The following PMM2 variants were observed in gnomAD, a reference collection of about 807,000 sequenced individuals.
The protein encoded by PMM2 is phosphomannomutase 2.
Under a neutral mutation model 33.2 loss-of-function variants are expected in PMM2, and 35 were observed. That is an observed-to-expected ratio of 1.06 (90% CI 0.81 to 1.40). PMM2 has a LOEUF of 1.40. PMM2 is among the 40% of genes most tolerant of loss of function. The pLI is 0.00. For missense variants in PMM2, 386 were observed against 306.0 expected (o/e 1.26, Z -1.95); for synonymous variants, 153 against 114.7 (o/e 1.33, Z -2.13).
At chr16:8,813,371 A>C (rs535424018) in intron 7 of PMM2, among the ~76,000 whole-genome samples, 2 of 152,134 alleles carry the variant, frequency 1.3e-5, no homozygotes, top group South Asian at 4.1e-4. Context: ...TGGCCACCCT[A>C]TGTGCCTTCC....
chr16:8,808,319 A>G (rs537903530), intron 4 of PMM2: 2 of 152,276 alleles, frequency 1.3e-5, no homozygotes, highest in South Asian at 4.2e-4. Flanking sequence ...AAAATATACA[A>G]ATATCCCAGG....
chr16:8,804,037 T>TTTG (rs1567157593), intron 2 of PMM2, among the ~76,000 whole-genome samples: 1 of 114,712 alleles, frequency 8.7e-6, no homozygotes, highest in Non-Finnish European at 1.9e-5. Context: ...TTTTGTTTTT[T>TTTG]TTTTTTTTTT....
At chr16:8,798,320 C>A (rs1390935075) in intron 1 of PMM2, among the ~76,000 whole-genome samples, 5 of 152,154 alleles carry the variant, frequency 3.3e-5, no homozygotes, top group Non-Finnish European at 7.3e-5. Context: ...TGGGCTGTGC[C>A]GTGAGTCATG....
rs2060647477 is a variant in PMM2 at position 8,806,332 on chromosome 16, T to C, written c.272T>C (p.Leu91Pro). The C allele has an allele frequency of 6.2e-7, 1 of 1,606,304 alleles. No individual in the cohort carries two copies. The highest frequency in any genetic ancestry group is 1.7e-5 in the Admixed American group (1 of 60,004). ...LLCRQNIQSH[L>P]GEALIQDLIN... ...TTCATCTAGAATATTCAAAGTCATC[T>C]GGGTGAGGCCCTAATCCAAGATTTA... Residue 91 changes from leucine to proline, a missense_variant, in exon 4 of 8, where the codon CTG (leucine) becomes CCG (proline). Leu to Pro is a moderately conservative substitution (Grantham distance 98, BLOSUM62 -3). Transcript: ENST00000268261.
chr16:8,838,852 C>T (rs556116654), intron 7 of PMM2, among the ~76,000 whole-genome samples: 1 of 151,896 alleles, frequency 6.6e-6, no homozygotes, highest in African/African-American at 2.4e-5. Context: ...TGTCATACAT[C>T]AGGCCAGATT....
intron 4 of PMM2, 69 bp from the exon 5 acceptor site, chr16:8,811,010 G>T: frequency 1.3e-6 from 1 of 798,938 alleles, no homozygotes; most frequent in East Asian, 3.0e-5. Context: ...AAGATTTTAG[G>T]CTGTTTATCT....
At chr16:8,833,716 G>T (rs977894268) in intron 7 of PMM2, among the ~76,000 whole-genome samples, 9 of 151,502 alleles carry the variant, frequency 5.9e-5, no homozygotes, top group African/African-American at 2.2e-4. Flanking sequence ...TGATGGCCTG[G>T]ATACGGTTTT....
intron 2 of PMM2, among the ~76,000 whole-genome samples, chr16:8,804,140 G>T (rs1425921647): frequency 6.7e-6 from 1 of 149,266 alleles, no homozygotes; most frequent in Non-Finnish European, 1.5e-5. Flanking sequence ...CTGGGTTCAA[G>T]CAATTCTCCT....
intron 7 of PMM2, among the ~76,000 whole-genome samples, chr16:8,841,339 A>G (rs1360830079): frequency 6.6e-6 from 1 of 151,404 alleles, no homozygotes; most frequent in African/African-American, 2.4e-5. Context: ...TGGCCTTCTC[A>G]GACCCTGTAG....
chr16:8,811,178 A>G lies in PMM2; in HGVS notation c.447A>G (p.Lys149=), dbSNP rs1369976599. 1 of 1,542,616 alleles carries G rather than the reference A, an allele frequency of 6.5e-7. No individual in the cohort carries two copies. ...EERIEFYELD[K]KENIRQKFVA... is the part of the protein sequence containing the mutation. ...GCATTGAGTTCTACGAACTCGATAA[A>G]GTACGTCTTTCTGAAATATCTTTGG... The change falls in exon 5 of 8, where the codon AAA becomes AAG. Residue 149 remains lysine (K), a splice_region_variant and synonymous_variant. Transcript: ENST00000268261.
chr16:8,834,451 A>G (rs566138207), intron 7 of PMM2, among the ~76,000 whole-genome samples: 17 of 152,030 alleles, frequency 1.1e-4, no homozygotes, highest in African/African-American at 4.1e-4. Context: ...CAGACCCTGT[A>G]GGAAAGGCCT....
chr16:8,798,207 G>T (rs186745383), intron 1 of PMM2, among the ~76,000 whole-genome samples: 3 of 152,220 alleles, frequency 2.0e-5, no homozygotes, highest in Non-Finnish European at 2.9e-5. Context: ...GTTGGAAAAT[G>T]TAATCTGGAC....
At chr16:8,846,672 TG>T (rs2060927696) in intron 7 of PMM2, among the ~76,000 whole-genome samples, 1 of 152,048 alleles carries the variant, frequency 6.6e-6, no homozygotes, top group African/African-American at 2.4e-5. Context: ...CTTACCAAGG[TG>T]TGACCCCAAC....
In PMM2 at chr16:8,838,278, A is replaced by G. The variant is rs548760915; in HGVS notation, c.640-9446A>G. ...GGGCAGAAACAAATCACAATGGTGG[A>G]ATGTCATCAGCTAAGGCTATTTTTA... is the stretch of plus-strand genomic sequence containing the variant. On this transcript the variant is annotated intron_variant, in intron 7 of 7. Transcript: ENST00000268261. 4.1e-4 allele frequency among the ~76,000 whole-genome samples: 63 copies of G among 152,168 alleles called. No individual in the cohort carries two copies. The South Asian group carries it at 6.0e-3, about 15-fold the overall frequency.
At chr16:8,807,722 T>A (rs1426038101) in intron 4 of PMM2, 2 of 152,438 alleles carry the variant, frequency 1.3e-5, no homozygotes, top group African/African-American at 2.4e-5. Context: ...CTCCAACTCC[T>A]GGCCTCAAGC....
At chr16:8,846,389 G>A (rs1021569134) in intron 7 of PMM2, among the ~76,000 whole-genome samples, 4 of 152,108 alleles carry the variant, frequency 2.6e-5, no homozygotes, top group African/African-American at 7.2e-5. Flanking sequence ...TAAAGCAATC[G>A]TAGATTATTT....
chr16:8,824,461 T>A (rs1033510137), intron 7 of PMM2, among the ~76,000 whole-genome samples: 4 of 152,240 alleles, frequency 2.6e-5, no homozygotes, highest in Admixed American at 1.3e-4. Flanking sequence ...AGAACAGTTA[T>A]AATTATTACT....
intron 7 of PMM2, among the ~76,000 whole-genome samples, chr16:8,835,414 G>C (rs1271681700): frequency 6.6e-6 from 1 of 151,968 alleles, no homozygotes. Flanking sequence ...GTACAGCCCA[G>C]GTAATTTGCT....
intron 7 of PMM2, among the ~76,000 whole-genome samples, chr16:8,823,971 A>G (rs111360712): frequency 2.8e-4 from 43 of 152,356 alleles, no homozygotes; most frequent in African/African-American, 9.9e-4. Context: ...CTCTAATTGT[A>G]TCCTATTACA....
Sources: allele counts gnomAD v4.1 joint callset (sites outside exome capture counted in the v4.1 genomes callset), GRCh38; gene constraint gnomAD v4.1.1; transcripts MANE v1.5; gene names NCBI Gene and HGNC (gene_info 2026-07-23, HGNC 2026-07-21).